DCLK1: variants seen among roughly 807,000 people sequenced by gnomAD.
The protein encoded by DCLK1 is serine/threonine-protein kinase DCLK1.
In DCLK1, 16 loss-of-function variants were observed where a neutral mutation model predicts 86.2. That is an observed-to-expected ratio of 0.19 (90% CI 0.13 to 0.28). The LOEUF (loss-of-function observed/expected upper bound fraction) is 0.28. Ranked by LOEUF, DCLK1 falls within the 10% of genes least tolerant of loss-of-function variation. The probability of loss-of-function intolerance (pLI) is 1.00; values close to 1 mark genes in which losing one functional copy is unlikely to be tolerated. For synonymous variants in DCLK1, 369 were observed against 370.5 expected (o/e 1.00, Z 0.05); for missense variants, 590 against 940.2 (o/e 0.63, Z 4.87).
intron 3 of DCLK1, among the ~76,000 whole-genome samples, chr13:36,047,454 T>A (rs1172536831): frequency 6.6e-6 from 1 of 151,978 alleles, no homozygotes; most frequent in Admixed American, 6.6e-5. Context: ...GATACATGGG[T>A]TAAAAACATA....
intron 6 of DCLK1, among the ~76,000 whole-genome samples, 187 bp from the exon 7 acceptor site, chr13:35,839,363 C>T (rs1208150671): frequency 6.6e-6 from 1 of 152,132 alleles, no homozygotes; most frequent in Non-Finnish European, 1.5e-5. Context: ...TCCCTATTAA[C>T]CAAGAATAGA....
intron 3 of DCLK1, among the ~76,000 whole-genome samples, chr13:35,959,086 C>T (rs1325941941): frequency 2.0e-5 from 3 of 152,132 alleles, no homozygotes; most frequent in Non-Finnish European, 2.9e-5. Context: ...TACACAACTA[C>T]GAATACAAAC....
chr13:36,041,242 A>C (rs1882692714), intron 3 of DCLK1, among the ~76,000 whole-genome samples: 1 of 152,168 alleles, frequency 6.6e-6, no homozygotes, highest in Non-Finnish European at 1.5e-5. Context: ...TGATGTCTCC[A>C]ACTCTAATCT....
intron 3 of DCLK1, among the ~76,000 whole-genome samples, chr13:36,109,966 A>C (rs1469955471): frequency 6.6e-6 from 1 of 152,212 alleles, no homozygotes; most frequent in African/African-American, 2.4e-5. Flanking sequence ...ATTTTAGCTA[A>C]AGTCATTAAA....
At chr13:35,909,087 G>C (rs973581572) in intron 4 of DCLK1, among the ~76,000 whole-genome samples, 1 of 152,184 alleles carries the variant, frequency 6.6e-6, no homozygotes, top group African/African-American at 2.4e-5. Context: ...ATCTGAGCAC[G>C]CTCAGTAGGT....
intron 12 of DCLK1, 21 bp from the exon 13 acceptor site, chr13:35,809,116 A>G (rs769311546): frequency 1.2e-6 from 2 of 1,601,518 alleles, no homozygotes; most frequent in Non-Finnish European, 1.7e-6. Context: ...AAGGGATGTT[A>G]GAGTTAGGAG....
chr13:35,911,411 C>A (rs982924988), intron 4 of DCLK1, among the ~76,000 whole-genome samples: 2 of 152,102 alleles, frequency 1.3e-5, no homozygotes, highest in Non-Finnish European at 2.9e-5. Context: ...ATTTGTCTGC[C>A]CACCACCACA....
intron 6 of DCLK1, chr13:35,848,124 G>C (rs1321571052): frequency 1.0e-6 from 1 of 985,180 alleles, no homozygotes; most frequent in African/African-American, 1.7e-5. Context: ...TGTCTTCAGA[G>C]CGCATTTAAG....
intron 8 of DCLK1, among the ~76,000 whole-genome samples, chr13:35,830,928 C>T (rs1423013414): frequency 6.6e-6 from 1 of 152,170 alleles, no homozygotes; most frequent in African/African-American, 2.4e-5. Context: ...AATTTTAAAG[C>T]ACTCAATCCT....
intron 3 of DCLK1, among the ~76,000 whole-genome samples, chr13:35,988,708 G>A (rs1420591497): frequency 6.6e-6 from 1 of 152,174 alleles, no homozygotes; most frequent in Non-Finnish European, 1.5e-5. Flanking sequence ...ACTCCTCACT[G>A]TCTTCTGAAA....
At chr13:36,024,228 G>C (rs1881936017) in intron 3 of DCLK1, among the ~76,000 whole-genome samples, 1 of 152,008 alleles carries the variant, frequency 6.6e-6, no homozygotes, top group Non-Finnish European at 1.5e-5. Context: ...TTGGATTGCA[G>C]GTTCTAGCCA....
chr13:36,107,872 G>A (rs1266411663), intron 3 of DCLK1, among the ~76,000 whole-genome samples: 3 of 152,116 alleles, frequency 2.0e-5, no homozygotes, highest in Non-Finnish European at 2.9e-5. Context: ...GCCTCTGGGA[G>A]TAACTGCTTG....
chr13:35,864,601 T>C (rs1285115483), intron 5 of DCLK1, among the ~76,000 whole-genome samples: 1 of 146,086 alleles, frequency 6.8e-6, no homozygotes, highest in Non-Finnish European at 1.5e-5. Context: ...GTTGGCTATC[T>C]AAATGGAAAT....
intron 16 of DCLK1, among the ~76,000 whole-genome samples, chr13:35,781,584 T>A (rs1457505401): frequency 6.6e-6 from 1 of 152,234 alleles, no homozygotes; most frequent in Non-Finnish European, 1.5e-5. Context: ...GCAGTAATTA[T>A]TGGATTTAAG....
intron 15 of DCLK1, among the ~76,000 whole-genome samples, chr13:35,801,134 CGGT>C (rs2086911162): frequency 6.6e-6 from 1 of 152,204 alleles, no homozygotes; most frequent in Non-Finnish European, 1.5e-5. Flanking sequence ...AACGTCCTTA[CGGT>C]TCACATAATT....
chr13:35,800,582 A>C (rs2086898806), intron 15 of DCLK1, among the ~76,000 whole-genome samples: 1 of 152,232 alleles, frequency 6.6e-6, no homozygotes, highest in Admixed American at 6.5e-5. Context: ...ACGTGTGAAA[A>C]ATAAAGGTGA....
intron 3 of DCLK1, among the ~76,000 whole-genome samples, chr13:36,093,830 A>G (rs1354534801): frequency 6.6e-6 from 1 of 152,218 alleles, no homozygotes; most frequent in African/African-American, 2.4e-5. Context: ...GTGGAATATA[A>G]AGACAAAGTT....
At chr13:35,857,730 C>T (rs753631162) in intron 5 of DCLK1, among the ~76,000 whole-genome samples, 2 of 152,224 alleles carry the variant, frequency 1.3e-5, no homozygotes, top group South Asian at 2.1e-4. Flanking sequence ...TTGGCCTACG[C>T]CCTTCACAGA....
chr13:35,942,166 CA>C (rs2153131964), intron 4 of DCLK1, among the ~76,000 whole-genome samples: 1 of 151,700 alleles, frequency 6.6e-6, no homozygotes, highest in East Asian at 2.0e-4. Context: ...TTCTAAAGGA[CA>C]TTTTTTTTTT....
Sources: allele counts gnomAD v4.1 joint callset (sites outside exome capture counted in the v4.1 genomes callset), GRCh38; gene constraint gnomAD v4.1.1; transcripts MANE v1.5; gene names NCBI Gene and HGNC (gene_info 2026-07-23, HGNC 2026-07-21).